MYBPC2: variants seen among roughly 807,000 people sequenced by gnomAD.
MYBPC2 encodes myosin-binding protein C, fast-type.
In MYBPC2, 122 loss-of-function variants were observed where a neutral mutation model predicts 137.0. The observed-to-expected ratio is 0.89, with a 90% CI of 0.77 to 1.03. MYBPC2 has a LOEUF of 1.03. MYBPC2 is among the 50% of genes least tolerant of loss of function. The probability of loss-of-function intolerance (pLI) is 0.00; values close to 1 mark genes in which losing one functional copy is unlikely to be tolerated. For missense variants in MYBPC2, 1,500 were observed against 1,534.4 expected, an observed-to-expected ratio of 0.98 and a Z score of 0.37; for synonymous variants, 626 against 612.3, an observed-to-expected ratio of 1.02 and a Z score of -0.33.
At chr19:50,442,355 G>A (rs201265928) in intron 9 of MYBPC2, 42 bp downstream of exon 9, 43 of 1,594,996 alleles carry the variant, frequency 2.7e-5, no homozygotes, top group Admixed American at 2.3e-4. Flanking sequence ...GGAGATCCCC[G>A]TCCAGAGAGA....
At chr19:50,448,528 G>A in intron 13 of MYBPC2, 138 bp downstream of exon 13, 1 of 1,192,238 alleles carries the variant, frequency 8.4e-7, no homozygotes, top group Non-Finnish European at 1.1e-6. Context: ...GAGTGCAATG[G>A]CGCGATCTCA....
chr19:50,436,181 A>C (rs1389055132), intron 4 of MYBPC2, 21 bp downstream of exon 4: 1 of 1,574,334 alleles, frequency 6.4e-7, no homozygotes, highest in Non-Finnish European at 8.6e-7. Flanking sequence ...CGTGGGCCAG[A>C]GGGCTGGTGG....
At position 50,460,099 on chromosome 19, in the gene MYBPC2, G is replaced by A. The variant is rs1301387813; in HGVS notation, c.2851G>A (p.Val951Met). The A allele has an allele frequency of 1.3e-6, 2 of 1,581,188 alleles. No individual in the cohort carries two copies. Among genetic ancestry groups the A allele is most frequent in the Non-Finnish European group, 1.7e-6 (2 of 1,164,242 alleles). ...VKEVWGTNALVEWQAPKDDGN... is the reference protein window; with the variant it reads ...VKEVWGTNALMEWQAPKDDGN... ...GGAGGTGTGGGGCACGAACGCGCTG[G>A]TGGAGTGGCAGGCCCCCAAAGATGA... The change falls in exon 24 of 28, where the codon GTG becomes ATG. Residue 951 changes from valine (V) to methionine (M), a missense_variant. Coordinates refer to ENST00000357701, the MANE Select transcript of MYBPC2 (RefSeq NM_004533.4).
intron 1 of MYBPC2, among the ~76,000 whole-genome samples, chr19:50,433,642 G>A (rs942788783): frequency 1.5e-4 from 23 of 151,604 alleles, no homozygotes; most frequent in Non-Finnish European, 2.5e-4. Flanking sequence ...TGATCCACCC[G>A]CCTCAGCCTC....
At position 50,456,082 on chromosome 19, in the gene MYBPC2, G is replaced by GTCCATCCATCCATCCA. The variant is rs34206117; in HGVS notation, c.2338+465_2338+480dup. Among the ~76,000 whole-genome samples, 335 of 127,892 alleles carry GTCCATCCATCCATCCA rather than the reference G, an allele frequency of 2.6e-3. 4 individuals carry two copies. In the East Asian group the frequency reaches 0.049, roughly 19 times the overall value. 83.9% of individuals were successfully genotyped at this position (127,892 alleles called of 152,430 possible). On this transcript the variant is annotated intron_variant, in intron 20 of 27. Coordinates refer to ENST00000357701, the MANE Select transcript of MYBPC2 (RefSeq NM_004533.4). ...CATCCATCCATCCATTCATCTTACC[G>GTCCATCCATCCATCCA]TCCATCCATCCATCCATCCATCCAT...
intron 26 of MYBPC2, chr19:50,464,116 T>A (rs2039993552): frequency 1.8e-5 from 8 of 455,828 alleles, no homozygotes; most frequent in South Asian, 1.4e-4. Context: ...AACAGTGAGC[T>A]CTTTGTCCTG....
At chr19:50,440,257 A>C (rs1160692728) in intron 7 of MYBPC2, among the ~76,000 whole-genome samples, 1 of 152,066 alleles carries the variant, frequency 6.6e-6, no homozygotes, top group Non-Finnish European at 1.5e-5. Context: ...AAAATCTCAC[A>C]AATCACTACC....
chr19:50,444,728 A>G (rs975230494), intron 11 of MYBPC2, among the ~76,000 whole-genome samples: 1 of 151,442 alleles, frequency 6.6e-6, no homozygotes, highest in African/African-American at 2.4e-5. Flanking sequence ...AAAATACAAA[A>G]AATTAGCCGG....
chr19:50,440,456 G>A (rs1399950336), intron 7 of MYBPC2, among the ~76,000 whole-genome samples: 1 of 151,884 alleles, frequency 6.6e-6, no homozygotes, highest in East Asian at 1.9e-4. Flanking sequence ...TTAAGGTCAG[G>A]AATTCGAGAC....
intron 26 of MYBPC2, chr19:50,464,123 C>A (rs1286704579): frequency 6.4e-6 from 3 of 470,098 alleles, no homozygotes; most frequent in Non-Finnish European, 1.2e-5. Context: ...AGCTCTTTGT[C>A]CTGAGAGCAA....
intron 16 of MYBPC2, among the ~76,000 whole-genome samples, chr19:50,453,197 T>C (rs1364296079): frequency 6.6e-6 from 1 of 152,178 alleles, no homozygotes; most frequent in Middle Eastern, 3.2e-3. Context: ...TGGGTGGCAC[T>C]CCTGCATCAG....
At position 50,442,206 on chromosome 19, in the gene MYBPC2, C is replaced by A; in HGVS notation, c.795C>A (p.Ala265=). The part of the protein sequence containing the change: ...SAAFTKKLDP[A]YQVDRGNKIK... ...CATTCACAAAGAAGCTGGATCCAGC[C>A]TACCAAGTGGACAGAGGCAACAAGA... is the stretch of plus-strand genomic sequence containing the variant. Residue 265 remains alanine (A), a synonymous_variant, in exon 9 of 28, where the codon GCC becomes GCA. Transcript: ENST00000357701. The A allele has an allele frequency of 6.3e-7, 1 of 1,598,742 alleles. No homozygotes were observed. The highest frequency in any genetic ancestry group is 1.7e-5 in the Admixed American group (1 of 57,378).
chr19:50,435,628 A>T lies in MYBPC2; in HGVS notation c.110-148A>T. The T allele has an allele frequency of 1.4e-6, 1 of 700,374 alleles. No homozygotes were observed. The highest frequency in any genetic ancestry group is 2.4e-6 in the Non-Finnish European group (1 of 423,910). 43.4% of individuals were successfully genotyped at this position (700,374 alleles called of 1,614,324 possible). A position where few individuals can be genotyped will look rare whatever the true frequency, so the allele number is the denominator to read the frequency against. The stretch of plus-strand genomic sequence containing the variant: ...ACGAGGGTGACAGGTGGCCTTTCCC[A>T]GGTCAGGAAAAGCCATTTAACCCCC... On this transcript the variant is annotated intron_variant, in intron 2 of 27. Coordinates refer to ENST00000357701, the MANE Select transcript of MYBPC2 (RefSeq NM_004533.4). The surrounding 1 kb of genome is among the most constrained non-coding windows in gnomAD (Gnocchi z 4.8).
In MYBPC2 at chr19:50,450,880, C is replaced by A; in HGVS notation, c.1524C>A (p.Tyr508Ter). ...DDVRPEDEGD[Y>*]TFVPDGYALS... is the part of the protein sequence containing the mutation. ...TCCGCCCCGAGGATGAGGGAGACTACACGTTTGTGCCTGACGGCTACGCCC... is the reference window on the plus strand; with the variant it reads ...TCCGCCCCGAGGATGAGGGAGACTAAACGTTTGTGCCTGACGGCTACGCCC... The change falls in exon 14 of 28, where the codon TAC becomes TAA. Residue 508 changes from tyrosine (Y) to a stop codon, truncating the protein, a stop_gained. Transcript: ENST00000357701. LOFTEE classifies it high-confidence loss of function. The A allele has an allele frequency of 1.3e-6, 2 of 1,580,650 alleles. No individual in the cohort carries two copies. Among genetic ancestry groups the A allele is most frequent in the East Asian group, 2.3e-5 (1 of 42,940 alleles).
intron 24 of MYBPC2, 53 bp downstream of exon 24, chr19:50,460,232 G>T (rs34830007): frequency 1.9e-6 from 3 of 1,543,958 alleles, no homozygotes; most frequent in African/African-American, 1.4e-5. Flanking sequence ...GGCAGAGCAG[G>T]TGCAGATGTC....
At position 50,464,539 on chromosome 19, in the gene MYBPC2, G is replaced by A; in HGVS notation, c.3415+7G>A. 6.3e-7 allele frequency: 1 copy of A among 1,597,606 alleles called. No homozygotes were observed. Among genetic ancestry groups the A allele is most frequent in the South Asian group, 1.1e-5 (1 of 89,024 alleles). On this transcript the variant is annotated splice_region_variant and intron_variant, in intron 27 of 27. Transcript: ENST00000357701. ...TGCAAGCTGGAGGTCCGAGGTGAGGGCGTGGCCATCCCCAACACTGGCTGA... is the reference window on the plus strand; with the variant it reads ...TGCAAGCTGGAGGTCCGAGGTGAGGACGTGGCCATCCCCAACACTGGCTGA...
rs559226067 is a variant in MYBPC2, at chr19:50,445,992, A to G, written c.1246A>G (p.Arg416Gly). 26 of 1,613,452 alleles carry G rather than the reference A, an allele frequency of 1.6e-5. No homozygotes were observed. The South Asian group carries it at 2.3e-4, about 14-fold the overall frequency. ...CTTCTCAGACGTGGTCCAGGAGGAC[A>G]GGGGTCGCTATCAGGTCATAACCAA... ...LIFSDVVQED[R>G]GRYQVITNGG... Residue 416 changes from arginine (R) to glycine (G), a missense_variant, in exon 12 of 28, where the codon AGG (arginine) becomes GGG (glycine). Physicochemically the swap from Arg to Gly is moderately radical, Grantham distance 125. Transcript: ENST00000357701.
At position 50,466,257 on chromosome 19, in the gene MYBPC2, C is replaced by A. The variant is rs866279656; in HGVS notation, c.*52C>A. 2 of 1,611,788 alleles carry A rather than the reference C, an allele frequency of 1.2e-6. No individual in the cohort carries two copies. On this transcript the variant is annotated 3_prime_UTR_variant, in exon 28 of 28. Transcript: ENST00000357701. This position sits in a 1 kb window ranked among gnomAD's most constrained non-coding sequence, Gnocchi z 4.9. ...TTGGTGGTGGAGTCCTGACCCCAAT[C>A]CCCAACCTCCCAGGACTGTGTTCTT... is the stretch of plus-strand genomic sequence containing the variant.
Position 50,465,784 on chromosome 19 carries a change from G to A in MYBPC2, c.3416-411G>A, listed in dbSNP as rs1024188537. ...CACTTGAACCAGGGAGGCCGAGGCT[G>A]CAGTGAGCTGAGATGGCACCACTGC... On this transcript the variant is annotated intron_variant, in intron 27 of 27. Transcript: ENST00000357701. This position sits in a 1 kb window ranked among gnomAD's most constrained non-coding sequence, Gnocchi z 4.5. Among the ~76,000 whole-genome samples, 4 of 152,178 alleles carry A rather than the reference G, an allele frequency of 2.6e-5. No homozygotes were observed. Among genetic ancestry groups the A allele is most frequent in the Non-Finnish European group, 5.9e-5 (4 of 68,016 alleles).
Sources: gnomAD v4.1 joint callset for allele counts (sites outside exome capture counted in the v4.1 genomes callset) on GRCh38, gnomAD v4.1.1 for gene constraint, Gnocchi (gnomAD v3.1) non-coding constraint, MANE v1.5 for transcripts, NCBI Gene and HGNC (gene_info 2026-07-23, HGNC 2026-07-21) for gene names.